The following KIAA1549 variants were observed in gnomAD, a reference collection of about 807,000 sequenced individuals.
KIAA1549 encodes UPF0606 protein KIAA1549.
A neutral mutation model predicts 156.4 loss-of-function variants in KIAA1549; 70 were observed. The observed-to-expected ratio is 0.45, with a 90% CI of 0.37 to 0.55. The LOEUF (loss-of-function observed/expected upper bound fraction) is 0.55, where lower values mean the gene tolerates loss of function less well. KIAA1549 is among the 20% of genes least tolerant of loss of function. The pLI, the probability that KIAA1549 is intolerant of heterozygous loss-of-function variation, is 0.00. For missense variants in KIAA1549, 2,428 were observed against 2,540.9 expected (o/e 0.96, Z 0.96); for synonymous variants, 1,103 against 1,066.4 (o/e 1.03, Z -0.67).
In KIAA1549 at chr7:138,837,854, G is replaced by C. The variant is rs183737008; in HGVS notation, c.*52C>G. ...CACCCACTCAGTTGATTTCCTTTTG[G>C]TCTTGCTTCCACAGGAAGCGGATAC... is the stretch of plus-strand genomic sequence containing the variant. On this transcript the variant is annotated 3_prime_UTR_variant, in exon 20 of 20. Coordinates refer to ENST00000422774, the MANE Select transcript of KIAA1549 (RefSeq NM_001164665.2). 1 of 1,579,644 alleles carries C rather than the reference G, an allele frequency of 6.3e-7. No individual in the cohort carries two copies. The highest frequency in any genetic ancestry group is 1.3e-5 in the African/African-American group (1 of 74,456).
intron 4 of KIAA1549, among the ~76,000 whole-genome samples, chr7:138,909,728 T>C (rs921356226): frequency 2.0e-5 from 3 of 151,858 alleles, no homozygotes; most frequent in African/African-American, 4.8e-5. Context: ...GGGCAGATCA[T>C]TTGAGATCAG....
chr7:138,837,716 G>T lies in KIAA1549; in HGVS notation c.*190C>A, dbSNP rs1052122039. 9.6e-6 allele frequency: 6 copies of T among 623,712 alleles called. No individual in the cohort carries two copies. Among genetic ancestry groups the T allele is most frequent in the Non-Finnish European group, 1.4e-5 (5 of 365,502 alleles). The allele number at this position is 623,712 out of a possible 1,614,324, so 38.6% of individuals were successfully genotyped here. On this transcript the variant is annotated 3_prime_UTR_variant, in exon 20 of 20. Coordinates refer to ENST00000422774, the MANE Select transcript of KIAA1549 (RefSeq NM_001164665.2). ...ACTGAACCCAAGTGTTCAGACAATT[G>T]CCAGCCCAGTGAAAGGCTCATGAGC...
At chr7:138,883,089 TAAAAAAAA>T (rs1201752539) in intron 10 of KIAA1549, among the ~76,000 whole-genome samples, 1 of 47,076 alleles carries the variant, frequency 2.1e-5, no homozygotes, top group African/African-American at 8.7e-5. Flanking sequence ...CCATCTCCCC[TAAAAAAAA>T]AAAAAAAAAA....
chr7:138,921,288 G>T (rs1400510258), intron 1 of KIAA1549, among the ~76,000 whole-genome samples: 1 of 152,200 alleles, frequency 6.6e-6, no homozygotes, highest in African/African-American at 2.4e-5. Context: ...CCTTTTCCCT[G>T]TTGAACTCTC....
Position 138,881,499 on chromosome 7 carries a change from T to C in KIAA1549, c.4118A>G (p.Glu1373Gly). ...HNKDDILIIH[E>G]PAPLPGPLKD... ...CAGAGGTCCTGGCAGTGGCGCTGGC[T>C]CATGAATAATCAATATGTCGTCTTT... The change falls in exon 11 of 20, where the codon GAG becomes GGG. Residue 1373 changes from glutamate (E) to glycine (G), a missense_variant. By Grantham distance (98) the Glu-to-Gly change is moderately conservative. Around this residue, in one of 5 missense-constraint regions of KIAA1549, gnomAD observed 762 missense variants for 901.6 expected, o/e 0.85. Transcript: ENST00000422774. The C allele has an allele frequency of 1.2e-6, 2 of 1,614,032 alleles. No individual in the cohort carries two copies. Among genetic ancestry groups the C allele is most frequent in the Non-Finnish European group, 1.7e-6 (2 of 1,179,902 alleles).
Position 138,981,050 on chromosome 7 carries a change from C to T in KIAA1549, c.187+33G>A. 8.2e-7 allele frequency: 1 copy of T among 1,220,800 alleles called. No homozygotes were observed. Among genetic ancestry groups the T allele is most frequent in the Non-Finnish European group, 1.0e-6 (1 of 979,752 alleles). The allele number at this position is 1,220,800 out of a possible 1,614,324, so 75.6% of individuals were successfully genotyped here. A position where few individuals can be genotyped will look rare whatever the true frequency, so the allele number is the denominator to read the frequency against. On this transcript the variant is annotated intron_variant, in intron 1 of 19. Coordinates refer to ENST00000422774, the MANE Select transcript of KIAA1549 (RefSeq NM_001164665.2). This position sits in a 1 kb window ranked among gnomAD's most constrained non-coding sequence, Gnocchi z 4.5. ...GCAGCGATAAAGGCAGGCGGGGTCGCGGCCGCGTTCCGAGGGTCTCGGCGG... is the reference window on the plus strand; with the variant it reads ...GCAGCGATAAAGGCAGGCGGGGTCGTGGCCGCGTTCCGAGGGTCTCGGCGG...
intron 16 of KIAA1549, among the ~76,000 whole-genome samples, chr7:138,858,335 A>G (rs1810454132): frequency 6.6e-6 from 1 of 151,950 alleles, no homozygotes; most frequent in Non-Finnish European, 1.5e-5. Context: ...GGCTCAATCA[A>G]TCCTCCTGCC....
chr7:138,947,137 G>A (rs187286031), intron 1 of KIAA1549, among the ~76,000 whole-genome samples: 2 of 152,178 alleles, frequency 1.3e-5, no homozygotes, highest in Non-Finnish European at 2.9e-5. Context: ...TCATCCAGTT[G>A]AGCAGCTGAG....
rs375009657 is a variant in KIAA1549 at position 138,917,644 on chromosome 7, T to A, written c.1982A>T (p.Gln661Leu). 95 of 1,613,366 alleles carry A rather than the reference T, an allele frequency of 5.9e-5. No homozygotes were observed. The highest frequency in any genetic ancestry group is 8.1e-5 in the Non-Finnish European group (95 of 1,179,632). The stretch of plus-strand genomic sequence containing the variant: ...TGTCTCAACCAAGGGAGAAAAAGAC[T>A]GAGATGTGAAGGGGGACAAGTCACT... Reference protein sequence around the residue: ...MPSDLSPFTSQSFSPLVETFT... With the variant: ...MPSDLSPFTSLSFSPLVETFT... Residue 661 changes from glutamine to leucine, a missense_variant, in exon 2 of 20, where the codon CAG becomes CTG. Transcript: ENST00000422774.
At position 138,964,838 on chromosome 7, in the gene KIAA1549, A is replaced by G. The variant is rs374055317; in HGVS notation, c.187+16245T>C. Among the ~76,000 whole-genome samples, 55 of 152,296 alleles carry G rather than the reference A, an allele frequency of 3.6e-4. 2 individuals are homozygous for G. In the East Asian group the frequency reaches 7.9e-3, roughly 22 times the overall value. On this transcript the variant is annotated intron_variant, in intron 1 of 19. Coordinates refer to ENST00000422774, the MANE Select transcript of KIAA1549 (RefSeq NM_001164665.2). ...ATTTGGCAATATGCATCAAAATTTA[A>G]TATGTGCATACTGCCTAGTCCAGCA...
In KIAA1549 at chr7:138,836,674, CCT is replaced by C. The variant is rs1417139785; in HGVS notation, c.*1230_*1231del. 9.1e-6 allele frequency: 2 copies of C among 218,792 alleles called. No homozygotes were observed. The highest frequency in any genetic ancestry group is 1.4e-4 in the East Asian group (2 of 14,762). 13.6% of individuals were successfully genotyped at this position (218,792 alleles called of 1,614,324 possible). A position where few individuals can be genotyped will look rare whatever the true frequency, so the allele number is the denominator to read the frequency against. ...GAGTACATCTTAAGCGAGATGATCC[CCT>C]CTTAGCCCAAAGAGCATAAGACAAT... On this transcript the variant is annotated 3_prime_UTR_variant, in exon 20 of 20. Transcript: ENST00000422774.
intron 8 of KIAA1549, among the ~76,000 whole-genome samples, chr7:138,901,716 C>T (rs1037166594): frequency 2.0e-5 from 3 of 152,158 alleles, no homozygotes; most frequent in Non-Finnish European, 4.4e-5. Context: ...ATTTTATTTA[C>T]CCATTCCCCA....
intron 9 of KIAA1549, among the ~76,000 whole-genome samples, chr7:138,898,577 C>T (rs1478628365): frequency 6.6e-6 from 1 of 152,214 alleles, no homozygotes; most frequent in East Asian, 1.9e-4. Flanking sequence ...CTCACTGTCC[C>T]CGCCAATGTT....
intron 11 of KIAA1549, among the ~76,000 whole-genome samples, chr7:138,880,080 CA>C (rs887675699): frequency 3.9e-4 from 59 of 152,286 alleles, no homozygotes; most frequent in Middle Eastern, 3.4e-3. Context: ...GCAGTCACCC[CA>C]AATAACTCCA....
At chr7:138,929,662 C>T (rs1361075943) in intron 1 of KIAA1549, among the ~76,000 whole-genome samples, 1 of 152,084 alleles carries the variant, frequency 6.6e-6, no homozygotes, top group Admixed American at 6.6e-5. Context: ...GCTATATAGC[C>T]TTATGAAATA....
chr7:138,977,071 TCA>T (rs1169835529), intron 1 of KIAA1549, among the ~76,000 whole-genome samples: 2 of 152,278 alleles, frequency 1.3e-5, no homozygotes, highest in East Asian at 3.9e-4. Context: ...GAAAAAAATT[TCA>T]CACACCATAA....
At position 138,840,268 on chromosome 7, in the gene KIAA1549, G is replaced by T; in HGVS notation, c.5463C>A (p.Ile1821=). The change falls in exon 19 of 20, where the codon ATC becomes ATA. Residue 1821 remains isoleucine, a synonymous_variant. Coordinates refer to ENST00000422774, the MANE Select transcript of KIAA1549 (RefSeq NM_001164665.2). ...CAATCCCCACCTGTGTCAGGTGCTG[G>T]ATCTGGGAGCCTGGAAGGAACATGG... The part of the protein sequence containing the change: ...RPVGGTTGSQ[I]QHLTQVGIAS... 6.3e-7 allele frequency: 1 copy of T among 1,599,948 alleles called. No individual in the cohort carries two copies. Among genetic ancestry groups the T allele is most frequent in the Non-Finnish European group, 8.5e-7 (1 of 1,173,544 alleles).
chr7:138,947,307 G>A (rs1392412180), intron 1 of KIAA1549, among the ~76,000 whole-genome samples: 2 of 152,126 alleles, frequency 1.3e-5, no homozygotes, highest in Non-Finnish European at 1.5e-5. Flanking sequence ...AGCACCTTCC[G>A]TCAGTACATC....
intron 1 of KIAA1549, among the ~76,000 whole-genome samples, chr7:138,921,177 A>G (rs1812553770): frequency 6.6e-6 from 1 of 152,240 alleles, no homozygotes; most frequent in Non-Finnish European, 1.5e-5. Flanking sequence ...TCTCAGGGAA[A>G]GAGTGAATTA....
Sources: gnomAD v4.1 joint callset for allele counts (sites outside exome capture counted in the v4.1 genomes callset) on GRCh38, gnomAD v4.1.1 for gene constraint, gnomAD v4.1.1 regional missense constraint, Gnocchi (gnomAD v3.1) non-coding constraint, MANE v1.5 for transcripts, NCBI Gene and HGNC (gene_info 2026-07-23, HGNC 2026-07-21) for gene names.